The following SNX7 variants were observed in gnomAD, a reference collection of about 807,000 sequenced individuals.
SNX7 encodes sorting nexin-7.
Under a neutral mutation model 48.4 loss-of-function variants are expected in SNX7, and 35 were observed. The ratio of observed to expected loss-of-function variants is 0.72; its 90% confidence interval spans 0.55 to 0.96. The LOEUF (loss-of-function observed/expected upper bound fraction) is 0.96. Among genes scored for constraint, SNX7 ranks in the 40% least tolerant of loss-of-function variants. The probability of loss-of-function intolerance (pLI) is 0.00; values close to 1 mark genes in which losing one functional copy is unlikely to be tolerated. For synonymous variants in SNX7, 190 were observed against 190.2 expected, an observed-to-expected ratio of 1.00 and a Z score of 0.01; for missense variants, 553 against 548.9, an observed-to-expected ratio of 1.01 and a Z score of -0.07.
At chr1:98,694,243 A>G (rs11166070) in intron 4 of SNX7, among the ~76,000 whole-genome samples, 134,709 of 150,652 alleles carry the variant, frequency 0.89, 61,002 homozygotes, top group Non-Finnish European at 0.96. Context: ...GGTGGTGGGC[A>G]CCTGTAATCC....
chr1:98,747,580 A>G (rs971198611), intron 8 of SNX7, among the ~76,000 whole-genome samples: 1 of 152,168 alleles, frequency 6.6e-6, no homozygotes, highest in African/African-American at 2.4e-5. Context: ...GTTCTTCACC[A>G]CAGATAGTTT....
At chr1:98,755,166 A>C (rs1654779822) in intron 8 of SNX7, among the ~76,000 whole-genome samples, 1 of 152,160 alleles carries the variant, frequency 6.6e-6, no homozygotes, top group Non-Finnish European at 1.5e-5. Flanking sequence ...CAGAGAACAT[A>C]CTTTATATGA....
At chr1:98,749,047 T>C (rs1288704506) in intron 8 of SNX7, among the ~76,000 whole-genome samples, 2 of 152,202 alleles carry the variant, frequency 1.3e-5, no homozygotes, top group African/African-American at 2.4e-5. Flanking sequence ...CTGAAGTGTC[T>C]AGCATTAAAC....
chr1:98,677,990 C>CATGTGTGTGT (rs1553197439), intron 1 of SNX7, among the ~76,000 whole-genome samples: 16 of 141,876 alleles, frequency 1.1e-4, no homozygotes, highest in South Asian at 2.3e-4. Flanking sequence ...TGTGTGTGTG[C>CATGTGTGTGT]GTGTGTGTGT....
At chr1:98,672,388 C>T (rs939852332) in intron 1 of SNX7, among the ~76,000 whole-genome samples, 8 of 150,352 alleles carry the variant, frequency 5.3e-5, no homozygotes, top group Non-Finnish European at 1.0e-4. Flanking sequence ...TGCCATTGTC[C>T]AAAGCAAGTA....
chr1:98,759,766 T>C (rs1363428842), intron 8 of SNX7, among the ~76,000 whole-genome samples: 1 of 152,090 alleles, frequency 6.6e-6, no homozygotes, highest in Non-Finnish European at 1.5e-5. Flanking sequence ...TCTTTGCCTC[T>C]ATAACGTGAA....
intron 1 of SNX7, among the ~76,000 whole-genome samples, chr1:98,682,768 CA>C (rs1161566625): frequency 6.6e-6 from 1 of 152,142 alleles, no homozygotes; most frequent in Non-Finnish European, 1.5e-5. Context: ...ACTACCTACC[CA>C]ACCAGTGTCC....
chr1:98,666,377 T>A (rs1040001129), intron 1 of SNX7, among the ~76,000 whole-genome samples: 1 of 152,324 alleles, frequency 6.6e-6, no homozygotes, highest in Non-Finnish European at 1.5e-5. Flanking sequence ...CTTCAGGAAC[T>A]GCATTTACAG....
chr1:98,695,852 C>A, intron 5 of SNX7, 136 bp downstream of exon 5: 1 of 673,010 alleles, frequency 1.5e-6, no homozygotes, highest in Non-Finnish European at 2.6e-6. Context: ...ATCTTATGGA[C>A]ATTTCTGATT....
At position 98,670,929 on chromosome 1, in the gene SNX7, T is replaced by C. The variant is rs1649829362; in HGVS notation, c.180+9018T>C. On this transcript the variant is annotated intron_variant, in intron 1 of 8. Transcript: ENST00000306121. ...TGGTCAGGAGCAATGAGGAAAGTTA[T>C]TACAAATATTTTGAGAAAATGATGT... is the stretch of plus-strand genomic sequence containing the variant. 3.9e-5 allele frequency among the ~76,000 whole-genome samples: 6 copies of C among 152,052 alleles called. No individual in the cohort carries two copies. In the South Asian group the frequency reaches 1.2e-3, roughly 31 times the overall value.
chr1:98,723,056 G>T (rs955571676), intron 7 of SNX7, among the ~76,000 whole-genome samples: 6 of 152,038 alleles, frequency 3.9e-5, no homozygotes, highest in African/African-American at 1.4e-4. Flanking sequence ...GCCCCTCATG[G>T]TAGACCTTAC....
intron 7 of SNX7, among the ~76,000 whole-genome samples, chr1:98,723,816 G>A (rs534317135): frequency 1.3e-5 from 2 of 151,866 alleles, no homozygotes; most frequent in South Asian, 4.2e-4. Context: ...AACTGAGATC[G>A]CATGACTGCA....
intron 8 of SNX7, among the ~76,000 whole-genome samples, chr1:98,758,565 A>G (rs972534480): frequency 6.6e-6 from 1 of 152,092 alleles, no homozygotes; most frequent in African/African-American, 2.4e-5. Flanking sequence ...CTTGGCTTTC[A>G]GTACCTTCTA....
At chr1:98,757,877 G>A (rs1262481113) in intron 8 of SNX7, among the ~76,000 whole-genome samples, 1 of 152,042 alleles carries the variant, frequency 6.6e-6, no homozygotes, top group South Asian at 2.1e-4. Flanking sequence ...AACATGCAGA[G>A]ATTTATGGGA....
chr1:98,750,679 G>A (rs1355827422), intron 8 of SNX7, among the ~76,000 whole-genome samples: 1 of 147,256 alleles, frequency 6.8e-6, no homozygotes, highest in Non-Finnish European at 1.5e-5. Context: ...GCTGCTAAAC[G>A]AATGAATGAA....
At chr1:98,729,261 T>G (rs1428143470) in intron 7 of SNX7, among the ~76,000 whole-genome samples, 5 of 152,078 alleles carry the variant, frequency 3.3e-5, no homozygotes, top group Non-Finnish European at 5.9e-5. Flanking sequence ...CACCAGAATC[T>G]CTAGGACATA....
intron 2 of SNX7, 60 bp from the exon 3 acceptor site, chr1:98,691,015 T>A: frequency 2.8e-6 from 3 of 1,065,008 alleles, no homozygotes; most frequent in Non-Finnish European, 4.0e-6. Flanking sequence ...TAAAATAACG[T>A]TAGGCAAATA....
chr1:98,707,752 G>T (rs1330026038), intron 7 of SNX7, among the ~76,000 whole-genome samples: 2 of 152,190 alleles, frequency 1.3e-5, no homozygotes, highest in African/African-American at 4.8e-5. Context: ...CTGTTTAGCA[G>T]TATATTTATG....
intron 1 of SNX7, among the ~76,000 whole-genome samples, chr1:98,678,598 A>T (rs888245595): frequency 2.6e-5 from 4 of 152,210 alleles, no homozygotes; most frequent in Non-Finnish European, 5.9e-5. Flanking sequence ...AACTTGAAAC[A>T]TCTTGTTCTA....
Sources: allele counts gnomAD v4.1 joint callset (sites outside exome capture counted in the v4.1 genomes callset), GRCh38; gene constraint gnomAD v4.1.1; transcripts MANE v1.5; gene names NCBI Gene and HGNC (gene_info 2026-07-23, HGNC 2026-07-21).